Variants in ZNF536 observed in about 807,000 individuals in gnomAD.
ZNF536 encodes the protein zinc finger protein 536.
Under a neutral mutation model 84.5 loss-of-function variants are expected in ZNF536, and 13 were observed. The observed-to-expected ratio is 0.15, with a 90% CI of 0.10 to 0.24. The LOEUF (loss-of-function observed/expected upper bound fraction) is 0.24, where lower values mean the gene tolerates loss of function less well. ZNF536 is among the 10% of genes least tolerant of loss of function. ZNF536 has a pLI of 1.00. For missense variants in ZNF536, 1,536 were observed against 1,747.5 expected (o/e 0.88, Z 2.16); for synonymous variants, 811 against 742.5 (o/e 1.09, Z -1.50).
chr19:30,485,100 C>T (rs1034636122), intron 2 of ZNF536, among the ~76,000 whole-genome samples: 5 of 151,824 alleles, frequency 3.3e-5, no homozygotes, highest in African/African-American at 9.7e-5. Context: ...GCAGAGATCG[C>T]GCCACTGCAC....
intron 1 of ZNF536, among the ~76,000 whole-genome samples, chr19:30,609,233 C>T (rs2048004674): frequency 1.3e-5 from 2 of 152,186 alleles, no homozygotes; most frequent in South Asian, 2.1e-4. Flanking sequence ...AGGAAGATTA[C>T]ATTTTGGAAT....
intron 1 of ZNF536, among the ~76,000 whole-genome samples, chr19:30,589,226 C>T (rs567780203): frequency 3.4e-4 from 52 of 152,284 alleles, no homozygotes; most frequent in African/African-American, 1.3e-3. Flanking sequence ...TGGTTGCAAC[C>T]ATCTGCATGG....
chr19:30,704,757 C>T (rs1042194041), intron 1 of ZNF536, among the ~76,000 whole-genome samples: 2 of 152,002 alleles, frequency 1.3e-5, no homozygotes, highest in African/African-American at 4.8e-5. Flanking sequence ...ATGAGATGAC[C>T]TACCTCCATC....
At chr19:30,629,935 A>C (rs1419883361) in intron 1 of ZNF536, among the ~76,000 whole-genome samples, 2 of 152,322 alleles carry the variant, frequency 1.3e-5, no homozygotes, top group Non-Finnish European at 2.9e-5. Context: ...CGTGCCATCC[A>C]AAACCACCAG....
chr19:30,508,511 G>A (rs776082019), intron 2 of ZNF536, among the ~76,000 whole-genome samples: 13 of 152,152 alleles, frequency 8.5e-5, no homozygotes, highest in Non-Finnish European at 1.8e-4. Flanking sequence ...TGTGAGGCAG[G>A]TTTGATTTAA....
rs577842677 is a variant in ZNF536, at chr19:30,564,095, A to G, written c.169+14581A>G. 4.6e-5 allele frequency among the ~76,000 whole-genome samples: 7 copies of G among 152,274 alleles called. 1 individual carries two copies. The South Asian group carries it at 1.5e-3, about 32-fold the overall frequency. On this transcript the variant is annotated intron_variant, in intron 1 of 1. Transcript: ENST00000592773. ...CTGAAAGGAAGAGAAATGCATGAAG[A>G]TAGAGGGAGAGAAGTGCAAATGCAG...
chr19:30,509,611 A>T (rs2055328078), intron 2 of ZNF536, among the ~76,000 whole-genome samples: 3 of 151,732 alleles, frequency 2.0e-5, no homozygotes. Flanking sequence ...GATAGTAAAA[A>T]GGTTACTGTA....
At chr19:30,491,753 T>C (rs1264866302) in intron 2 of ZNF536, among the ~76,000 whole-genome samples, 1 of 152,128 alleles carries the variant, frequency 6.6e-6, no homozygotes, top group Admixed American at 6.5e-5. Flanking sequence ...TTGAACCAGA[T>C]GCCAGGACTT....
chr19:30,637,888 G>A (rs985460031), intron 1 of ZNF536, among the ~76,000 whole-genome samples: 2 of 152,162 alleles, frequency 1.3e-5, no homozygotes, highest in African/African-American at 4.8e-5. Context: ...AAGGTATTTC[G>A]AGGGTTTTTT....
chr19:30,419,569 G>A (rs10413806), intron 1 of ZNF536, among the ~76,000 whole-genome samples: 82,858 of 152,076 alleles, frequency 0.54, 23,282 homozygotes, highest in African/African-American at 0.58. Flanking sequence ...TGTGTGCATG[G>A]CTAATTTTAC....
intron 2 of ZNF536, among the ~76,000 whole-genome samples, chr19:30,477,284 A>G (rs2053890067): frequency 6.6e-6 from 1 of 152,148 alleles, no homozygotes; most frequent in Non-Finnish European, 1.5e-5. Context: ...TGCAGGTTCT[A>G]TGAGGGCAGG....
Position 30,548,033 on chromosome 19 carries a change from G to A in ZNF536, c.2414G>A (p.Arg805Gln), listed in dbSNP as rs199936097. 39 of 1,613,838 alleles carry A rather than the reference G, an allele frequency of 2.4e-5. No individual in the cohort carries two copies. The highest frequency in any genetic ancestry group is 4.5e-5 in the East Asian group (2 of 44,860). ...CACTTAGAGCGACACCATCGGGAGC[G>A]GCAGAACGGGGCTGGGCCGCTGTCT... is the stretch of plus-strand genomic sequence containing the variant. ...KYHLERHHRE[R>Q]QNGAGPLSGQ... Residue 805 changes from arginine to glutamine, a missense_variant, in exon 4 of 5, where the codon CGG (arginine) becomes CAG (glutamine). Physicochemically the swap from Arg to Gln is conservative, Grantham distance 43. Around this residue, in one of 8 missense-constraint regions of ZNF536, gnomAD observed 148 missense variants for 205.4 expected, o/e 0.72. Transcript: ENST00000355537.
chr19:30,554,014 C>T (rs1193101702), intron 4 of ZNF536: 1 of 151,982 alleles, frequency 6.6e-6, no homozygotes, highest in Non-Finnish European at 1.5e-5. Context: ...CTGGCTTCCC[C>T]AACCCAAATT....
chr19:30,410,805 C>T (rs184466779), intron 1 of ZNF536, among the ~76,000 whole-genome samples: 16 of 151,546 alleles, frequency 1.1e-4, no homozygotes, highest in Middle Eastern at 3.4e-3. Flanking sequence ...AAATCTCTCA[C>T]CTTCACCTCA....
chr19:30,330,457 G>A (rs977683176), intron 2 of ZNF536, among the ~76,000 whole-genome samples: 1 of 152,134 alleles, frequency 6.6e-6, no homozygotes, highest in African/African-American at 2.4e-5. Context: ...GGCATTGGAG[G>A]GACTGAGAGG....
At chr19:30,646,864 A>T (rs538929949) in intron 1 of ZNF536, among the ~76,000 whole-genome samples, 5 of 152,248 alleles carry the variant, frequency 3.3e-5, no homozygotes, top group African/African-American at 1.2e-4. Context: ...TTGTATGTTT[A>T]AAAAAATTAA....
intron 1 of ZNF536, among the ~76,000 whole-genome samples, chr19:30,566,350 C>T (rs1213272974): frequency 6.6e-6 from 1 of 152,204 alleles, no homozygotes; most frequent in Admixed American, 6.5e-5. Context: ...TCTGGTCCTC[C>T]GAACTCACCC....
chr19:30,711,718 C>CT (rs1277024855), exon 2 of ZNF536: 1 of 151,522 alleles, frequency 6.6e-6, no homozygotes, highest in Non-Finnish European at 1.5e-5. Context: ...TGAGTAATTC[C>CT]TTTTTTTAGA....
At chr19:30,555,094 T>G (rs528379541) in intron 4 of ZNF536, 24 of 152,398 alleles carry the variant, frequency 1.6e-4, no homozygotes, top group African/African-American at 5.8e-4. Flanking sequence ...CCCAGCACAG[T>G]GCAACCCAGA....
Sources: allele counts gnomAD v4.1 joint callset (sites outside exome capture counted in the v4.1 genomes callset), GRCh38; gene constraint gnomAD v4.1.1; regional missense constraint gnomAD v4.1.1; transcripts MANE v1.5; gene names NCBI Gene and HGNC (gene_info 2026-07-23, HGNC 2026-07-21).